The following C11orf65 variants were observed in gnomAD, a reference collection of about 807,000 sequenced individuals.
The protein encoded by C11orf65 is protein MFI.
C11orf65 carries 38 observed loss-of-function variants against 35.3 expected under a neutral mutation model. That is an observed-to-expected ratio of 1.08 (90% CI 0.83 to 1.41). The LOEUF is 1.41. Ranked by LOEUF, C11orf65 falls within the 40% of genes most tolerant of loss-of-function variation. The pLI is 0.00. For missense variants in C11orf65, 370 were observed against 367.1 expected, an observed-to-expected ratio of 1.01 and a Z score of -0.06; for synonymous variants, 105 against 114.4, an observed-to-expected ratio of 0.92 and a Z score of 0.53.
At chr11:108,459,156 A>G (rs1025471507) in intron 2 of C11orf65, among the ~76,000 whole-genome samples, 2 of 152,212 alleles carry the variant, frequency 1.3e-5, no homozygotes, top group Non-Finnish European at 2.9e-5. Context: ...TTAAGAGGCA[A>G]CACAACAAAA....
At chr11:108,430,069 T>G (rs1046036160) in intron 3 of C11orf65, among the ~76,000 whole-genome samples, 2 of 151,732 alleles carry the variant, frequency 1.3e-5, no homozygotes, top group East Asian at 1.9e-4. Context: ...TGGGTGGTGG[T>G]GATGGTTGGT....
intron 2 of C11orf65, chr11:108,354,942 G>A: frequency 7.7e-7 from 1 of 1,292,408 alleles, no homozygotes; most frequent in Non-Finnish European, 1.1e-6. Flanking sequence ...TCATCAGGAA[G>A]TCACTGATGT....
rs188420858 is a variant in C11orf65, at chr11:108,345,276, G to A, written c.227-9984C>T. 2.0e-3 allele frequency among the ~76,000 whole-genome samples: 305 copies of A among 152,310 alleles called. 2 individuals carry two copies. The highest frequency in any genetic ancestry group is 1.2e-3 in the South Asian group (6 of 4,828). ...AGCACATAGATGGAAGGGAGTTGAA[G>A]TCGGTAAGCTTTGCTTCAGGTAGTA... On this transcript the variant is annotated intron_variant, in intron 2 of 3. Transcript: ENST00000524755.
chr11:108,447,591 A>G (rs2135588603), intron 2 of C11orf65, among the ~76,000 whole-genome samples: 1 of 152,288 alleles, frequency 6.6e-6, no homozygotes, highest in South Asian at 2.1e-4. Context: ...ACCAACGAGA[A>G]CAAAGGCACA....
downstream of C11orf65, chr11:108,331,378 T>C: frequency 1.3e-6 from 2 of 1,561,990 alleles, no homozygotes; most frequent in East Asian, 2.4e-5. Context: ...AATAACTTAC[T>C]TGCTTAGATG....
At position 108,408,833 on chromosome 11, in the gene C11orf65, C is replaced by T. The variant is rs1252484668; in HGVS notation, c.175-1684G>A. ...AAATTCTTGGTCCTTTATCGGAAGA[C>T]AGTTCAATCTTGTCTCCTGATCATA... On this transcript the variant is annotated intron_variant, in intron 3 of 8. Coordinates refer to ENST00000393084, the MANE Select transcript of C11orf65 (RefSeq NM_152587.5). Among the ~76,000 whole-genome samples the T allele has an allele frequency of 2.0e-5, 3 of 151,592 alleles. No individual in the cohort carries two copies. In the East Asian group the frequency reaches 5.8e-4, roughly 29 times the overall value.
chr11:108,399,977 C>A (rs144421797), intron 6 of C11orf65, among the ~76,000 whole-genome samples: 2 of 152,296 alleles, frequency 1.3e-5, no homozygotes, highest in African/African-American at 2.4e-5. Flanking sequence ...TTTAGAGACT[C>A]TACAGTTTTT....
intron 2 of C11orf65, chr11:108,365,529 C>T (rs1006554443): frequency 6.2e-7 from 1 of 1,611,682 alleles, no homozygotes; most frequent in African/African-American, 1.3e-5. Context: ...ATGAATTACC[C>T]TTTCATTCAG....
chr11:108,355,764 A>G (rs1299447368), intron 2 of C11orf65: 1 of 152,204 alleles, frequency 6.6e-6, no homozygotes, highest in East Asian at 1.9e-4. Context: ...AATCTCTCCT[A>G]CTGTTCAACT....
At chr11:108,395,360 T>C (rs1169977199) in intron 6 of C11orf65, among the ~76,000 whole-genome samples, 1 of 151,536 alleles carries the variant, frequency 6.6e-6, no homozygotes, top group Non-Finnish European at 1.5e-5. Flanking sequence ...GGAGTTGCTC[T>C]GTCTCCCAGG....
chr11:108,463,986 A>C (rs2093502397), intron 1 of C11orf65, among the ~76,000 whole-genome samples: 1 of 146,354 alleles, frequency 6.8e-6, no homozygotes, highest in Non-Finnish European at 1.5e-5. Flanking sequence ...GAGTGCAGAG[A>C]CATCATCTCA....
intron 6 of C11orf65, among the ~76,000 whole-genome samples, chr11:108,313,476 G>GCTAA (rs1210892638): frequency 6.6e-6 from 1 of 152,036 alleles, no homozygotes; most frequent in Non-Finnish European, 1.5e-5. Flanking sequence ...ACTTCATGTT[G>GCTAA]CTAAGTCTGG....
chr11:108,424,580 C>T (rs547205232), intron 3 of C11orf65, among the ~76,000 whole-genome samples: 9 of 152,164 alleles, frequency 5.9e-5, no homozygotes, highest in African/African-American at 1.9e-4. Flanking sequence ...TTAACACCCC[C>T]CTGTCAACAT....
chr11:108,364,030 G>A (rs1395690497), intron 2 of C11orf65, among the ~76,000 whole-genome samples: 1 of 152,142 alleles, frequency 6.6e-6, no homozygotes, highest in Non-Finnish European at 1.5e-5. Context: ...TAACGGACAA[G>A]CTACATGTAA....
At chr11:108,323,645 A>G (rs963601835) in intron 6 of C11orf65, among the ~76,000 whole-genome samples, 2 of 152,226 alleles carry the variant, frequency 1.3e-5, no homozygotes, top group South Asian at 2.1e-4. Flanking sequence ...GCTTGTATCA[A>G]AATATCACAC....
chr11:108,338,012 A>G (rs1471343170), intron 2 of C11orf65, among the ~76,000 whole-genome samples: 1 of 152,258 alleles, frequency 6.6e-6, no homozygotes, highest in Non-Finnish European at 1.5e-5. Flanking sequence ...CTTTTTCAAC[A>G]GCTAGTTTTC....
chr11:108,443,537 C>T (rs1043599834), intron 2 of C11orf65, among the ~76,000 whole-genome samples: 1 of 152,188 alleles, frequency 6.6e-6, no homozygotes, highest in African/African-American at 2.4e-5. Context: ...TACAGCATCA[C>T]ACGACACCTA....
At chr11:108,316,397 T>C (rs2084653800) in intron 6 of C11orf65, among the ~76,000 whole-genome samples, 1 of 152,072 alleles carries the variant, frequency 6.6e-6, no homozygotes, top group Admixed American at 6.5e-5. Context: ...ACAGAAGACA[T>C]TGCTCGAGCA....
chr11:108,465,503 G>T lies in C11orf65; in HGVS notation c.-10+1968C>A, dbSNP rs530202928. ...ATACAGAGGAAAAAAAGGGAGATTT[G>T]GCCAGATAAAGTCACTAGTGACTGT... On this transcript the variant is annotated intron_variant, in intron 1 of 8. Transcript: ENST00000393084. Among the ~76,000 whole-genome samples, 28 of 152,210 alleles carry T rather than the reference G, an allele frequency of 1.8e-4. No homozygotes were observed. The South Asian group carries it at 4.8e-3, about 26-fold the overall frequency.
Sources: gnomAD v4.1 joint callset for allele counts (sites outside exome capture counted in the v4.1 genomes callset) on GRCh38, gnomAD v4.1.1 for gene constraint, MANE v1.5 for transcripts, NCBI Gene and HGNC (gene_info 2026-07-23, HGNC 2026-07-21) for gene names.